The following EVI5 variants were observed in gnomAD, a reference collection of about 807,000 sequenced individuals.
The protein encoded by EVI5 is ecotropic viral integration site 5 protein homolog.
Under a neutral mutation model 112.0 loss-of-function variants are expected in EVI5, and 73 were observed. The ratio of observed to expected loss-of-function variants is 0.65; its 90% CI spans 0.54 to 0.79. The LOEUF is 0.79. Ranked by LOEUF, EVI5 falls within the 30% of genes least tolerant of loss-of-function variation. The probability of loss-of-function intolerance (pLI) is 0.00; values close to 1 mark genes in which losing one functional copy is unlikely to be tolerated. For missense variants in EVI5, 900 were observed against 968.8 expected, an observed-to-expected ratio of 0.93 and a Z score of 0.94; for synonymous variants, 305 against 319.9, an observed-to-expected ratio of 0.95 and a Z score of 0.50.
At chr1:92,661,097 T>C (rs1663928348) in intron 13 of EVI5, among the ~76,000 whole-genome samples, 2 of 151,990 alleles carry the variant, frequency 1.3e-5, no homozygotes, top group Admixed American at 6.6e-5. Context: ...TCTAGTTCCA[T>C]AAATAAAATC....
At chr1:92,603,856 G>A (rs886467959) in intron 18 of EVI5, among the ~76,000 whole-genome samples, 1 of 151,930 alleles carries the variant, frequency 6.6e-6, no homozygotes, top group Non-Finnish European at 1.5e-5. Context: ...AGCCTCCTAA[G>A]TAACCGCGAC....
intron 13 of EVI5, among the ~76,000 whole-genome samples, chr1:92,650,104 G>C (rs1661829522): frequency 6.6e-6 from 1 of 152,106 alleles, no homozygotes; most frequent in African/African-American, 2.4e-5. Context: ...TTACAAATCA[G>C]AAAGTGTGAG....
At chr1:92,561,607 T>G (rs1571551361) in intron 19 of EVI5, among the ~76,000 whole-genome samples, 1 of 132,086 alleles carries the variant, frequency 7.6e-6, no homozygotes. Context: ...ATCTAATCTA[T>G]CCTATCTATC....
chr1:92,770,649 G>A (rs1191031016), intron 1 of EVI5, among the ~76,000 whole-genome samples: 2 of 151,800 alleles, frequency 1.3e-5, no homozygotes, highest in African/African-American at 4.8e-5. Flanking sequence ...AATTAGCCGG[G>A]CGTGGTGGCA....
intron 18 of EVI5, among the ~76,000 whole-genome samples, chr1:92,582,281 C>T (rs913962803): frequency 6.6e-6 from 1 of 152,052 alleles, no homozygotes; most frequent in African/African-American, 2.4e-5. Context: ...ATATGTGGTC[C>T]ATCGTTGACT....
chr1:92,652,090 T>G (rs1349868804), intron 13 of EVI5, among the ~76,000 whole-genome samples: 1 of 152,028 alleles, frequency 6.6e-6, no homozygotes, highest in Non-Finnish European at 1.5e-5. Context: ...AAGGCAGAAA[T>G]AACCCAAATG....
chr1:92,776,695 G>A (rs1684179683), intron 1 of EVI5, among the ~76,000 whole-genome samples: 1 of 151,068 alleles, frequency 6.6e-6, no homozygotes, highest in Non-Finnish European at 1.5e-5. Context: ...GAGTGCAGTG[G>A]TATGATCTCG....
intron 1 of EVI5, among the ~76,000 whole-genome samples, chr1:92,754,645 T>C (rs1031286780): frequency 1.3e-5 from 2 of 152,218 alleles, no homozygotes; most frequent in African/African-American, 4.8e-5. Context: ...TTTCTCACCA[T>C]GTGGACCTTT....
At chr1:92,768,155 A>C (rs1682918840) in intron 1 of EVI5, among the ~76,000 whole-genome samples, 1 of 152,140 alleles carries the variant, frequency 6.6e-6, no homozygotes, top group African/African-American at 2.4e-5. Context: ...AGGAAAAAAA[A>C]AATCCTCAAA....
chr1:92,646,901 G>A (rs1215257782), intron 13 of EVI5: 1 of 212,918 alleles, frequency 4.7e-6, no homozygotes, highest in East Asian at 1.1e-4. Flanking sequence ...AGCACTCTGA[G>A]AGACTGCAAT....
chr1:92,789,889 T>C (rs576575432), upstream of EVI5, among the ~76,000 whole-genome samples: 1 of 152,322 alleles, frequency 6.6e-6, no homozygotes, highest in Admixed American at 6.5e-5. Flanking sequence ...TCAAACCCAC[T>C]GTGAACAATA....
At chr1:92,637,455 T>A (rs1659113267) in intron 13 of EVI5, among the ~76,000 whole-genome samples, 1 of 151,416 alleles carries the variant, frequency 6.6e-6, no homozygotes, top group African/African-American at 2.4e-5. Context: ...CACAAAGAAA[T>A]TAACCACGGA....
chr1:92,783,254 G>A (rs923881211), intron 1 of EVI5, among the ~76,000 whole-genome samples: 3 of 151,908 alleles, frequency 2.0e-5, no homozygotes, highest in East Asian at 1.9e-4. Flanking sequence ...GGCCAGGTGC[G>A]CTGGCTCACG....
chr1:92,701,476 A>G (rs1356657376), intron 5 of EVI5, among the ~76,000 whole-genome samples: 1 of 152,244 alleles, frequency 6.6e-6, no homozygotes, highest in Non-Finnish European at 1.5e-5. Context: ...CAAACCAAGT[A>G]TCTCCATGAT....
intron 18 of EVI5, among the ~76,000 whole-genome samples, chr1:92,574,342 A>T (rs529203703): frequency 4.7e-4 from 72 of 152,290 alleles, no homozygotes; most frequent in African/African-American, 1.6e-3. Context: ...GAAAGTGGGC[A>T]TTTTATTCAG....
Position 92,763,439 on chromosome 1 carries a change from G to A in EVI5, c.-82+21397C>T, listed in dbSNP as rs138949940. On this transcript the variant is annotated intron_variant, in intron 1 of 19. Coordinates refer to ENST00000684568, the MANE Select transcript of EVI5 (RefSeq NM_001350197.2). ...GAGGCAGGCACGGTGGCTCACACCTGTAATCCTAGTGCTTTCGGAGGCCAA... is the reference window on the plus strand; with the variant it reads ...GAGGCAGGCACGGTGGCTCACACCTATAATCCTAGTGCTTTCGGAGGCCAA... Among the ~76,000 whole-genome samples, 231 of 152,122 alleles carry A rather than the reference G, an allele frequency of 1.5e-3. 1 individual carries two copies. Among genetic ancestry groups the A allele is most frequent in the African/African-American group, 5.4e-3 (226 of 41,496 alleles).
chr1:92,694,810 C>T (rs1158925504), intron 7 of EVI5, among the ~76,000 whole-genome samples: 1 of 152,156 alleles, frequency 6.6e-6, no homozygotes, highest in East Asian at 1.9e-4. Flanking sequence ...AGTTCACAGA[C>T]TAGAAAACAA....
intron 2 of EVI5, among the ~76,000 whole-genome samples, chr1:92,719,283 T>C (rs1450445832): frequency 2.7e-5 from 4 of 147,746 alleles, no homozygotes. Context: ...TGAACATCAA[T>C]GTGAAAATCC....
chr1:92,789,710 C>T (rs995279432), upstream of EVI5, among the ~76,000 whole-genome samples: 1 of 152,140 alleles, frequency 6.6e-6, no homozygotes, highest in Non-Finnish European at 1.5e-5. Flanking sequence ...GAGGGGAACC[C>T]CTCTAAACTT....
Sources: allele counts gnomAD v4.1 joint callset (sites outside exome capture counted in the v4.1 genomes callset), GRCh38; gene constraint gnomAD v4.1.1; transcripts MANE v1.5; gene names NCBI Gene and HGNC (gene_info 2026-07-23, HGNC 2026-07-21).